ABCA10: variants seen among roughly 807,000 people sequenced by gnomAD.
ABCA10 encodes the protein ATP-binding cassette sub-family A member 10.
In ABCA10, 169 loss-of-function variants were observed where a neutral mutation model predicts 187.5. The observed-to-expected ratio is 0.90, with a 90% confidence interval of 0.80 to 1.02. The LOEUF (loss-of-function observed/expected upper bound fraction) is 1.02, where lower values mean the gene tolerates loss of function less well. Ranked by LOEUF, ABCA10 falls within the 50% of genes least tolerant of loss-of-function variation. The pLI, the probability that ABCA10 is intolerant of heterozygous loss-of-function variation, is 0.00. For missense variants in ABCA10, 1,727 were observed against 1,812.4 expected (o/e 0.95, Z 0.86); for synonymous variants, 574 against 601.8 (o/e 0.95, Z 0.68).
chr17:69,201,950 C>T (rs55821831), intron 9 of ABCA10, among the ~76,000 whole-genome samples: 25,589 of 151,996 alleles, frequency 0.17, 3,957 homozygotes, highest in African/African-American at 0.4. Context: ...GCCCGGCTAA[C>T]TTTTGTATTT....
intron 19 of ABCA10, 98 bp from the exon 20 acceptor site, chr17:69,185,741 C>T: frequency 2.1e-6 from 2 of 941,380 alleles, no homozygotes. Context: ...GGAAAGTCCA[C>T]ATGCATATGT....
intron 22 of ABCA10, among the ~76,000 whole-genome samples, chr17:69,179,200 C>A (rs1343634516): frequency 1.7e-4 from 14 of 82,452 alleles, no homozygotes; most frequent in African/African-American, 4.8e-4. Flanking sequence ...AACAAAAAAA[C>A]AAAACAAACA....
intron 10 of ABCA10, among the ~76,000 whole-genome samples, chr17:69,198,266 T>C (rs1223947589): frequency 6.6e-6 from 1 of 152,232 alleles, no homozygotes; most frequent in African/African-American, 2.4e-5. Flanking sequence ...ATGACCTCTG[T>C]GCTTTATTTT....
At chr17:69,156,965 C>T (rs1271213569) in intron 27 of ABCA10, 42 bp from the exon 28 acceptor site, 15 of 1,179,634 alleles carry the variant, frequency 1.3e-5, no homozygotes, top group Non-Finnish European at 1.7e-5. Flanking sequence ...ATCACCATGG[C>T]ATTCACACTC....
chr17:69,205,057 G>A (rs192490511), intron 9 of ABCA10, among the ~76,000 whole-genome samples: 1 of 152,152 alleles, frequency 6.6e-6, no homozygotes, highest in Non-Finnish European at 1.5e-5. Context: ...GAGTCTGGGA[G>A]GCAGAGGTTG....
At chr17:69,199,251 T>G (rs185788492) in intron 10 of ABCA10, among the ~76,000 whole-genome samples, 41 of 92,972 alleles carry the variant, frequency 4.4e-4, no homozygotes, top group Non-Finnish European at 7.9e-4. Flanking sequence ...TAATTCTCTG[T>G]GTTCAGCTCT....
chr17:69,153,424 GGCACCCAGCCATGGGT>G, intron 33 of ABCA10, 25 bp from the exon 34 acceptor site: 1 of 1,613,458 alleles, frequency 6.2e-7, no homozygotes, highest in Non-Finnish European at 8.5e-7. Context: ...ACAGCCCGTC[GGCACCCAGCCATGGGT>G]GCACAGGGAA....
chr17:69,223,360 T>C (rs963709045), intron 3 of ABCA10, among the ~76,000 whole-genome samples: 1 of 152,140 alleles, frequency 6.6e-6, no homozygotes. Flanking sequence ...TACCTACAGA[T>C]TCTCTGAGGT....
chr17:69,178,757 G>A (rs764413064), intron 22 of ABCA10, among the ~76,000 whole-genome samples: 3 of 152,118 alleles, frequency 2.0e-5, no homozygotes, highest in African/African-American at 4.8e-5. Flanking sequence ...TTATGCATGA[G>A]TAAAAGAATG....
At chr17:69,244,753 G>A (rs543085175) in exon 1 of ABCA10, 2 of 151,460 alleles carry the variant, frequency 1.3e-5, no homozygotes, top group South Asian at 4.2e-4. Context: ...ATGAAGTTTT[G>A]AGTAACTAAC....
rs1369953870 is a variant in ABCA10, at chr17:69,197,177, C to A, written c.1176-55G>T. The A allele has an allele frequency of 3.0e-6, 4 of 1,355,844 alleles. No individual in the cohort carries two copies. In the African/African-American group the frequency reaches 4.3e-5, roughly 15 times the overall value. 84.0% of individuals were successfully genotyped at this position (1,355,844 alleles called of 1,614,324 possible). ...AATGCATTTTCTAGTATTAATAACA[C>A]AGATTACAGTTCATAACTAAGCCTG... On this transcript the variant is annotated intron_variant, in intron 10 of 38. Transcript: ENST00000690296.
intron 16 of ABCA10, among the ~76,000 whole-genome samples, chr17:69,192,051 G>A (rs960662611): frequency 1.3e-4 from 20 of 152,182 alleles, no homozygotes; most frequent in Admixed American, 9.8e-4. Flanking sequence ...TAGGCCGGGC[G>A]CGGTGGCTCA....
At chr17:69,230,126 TTCTC>T (rs892724864), upstream of ABCA10, among the ~76,000 whole-genome samples, 4 of 151,278 alleles carry the variant, frequency 2.6e-5, no homozygotes, top group Non-Finnish European at 5.9e-5. Flanking sequence ...TTAGGCCCAA[TTCTC>T]TCTCTCTCTG....
intron 6 of ABCA10, among the ~76,000 whole-genome samples, chr17:69,218,530 T>C (rs1458683667): frequency 6.6e-6 from 1 of 152,112 alleles, no homozygotes; most frequent in South Asian, 2.1e-4. Flanking sequence ...TACCTCATTA[T>C]TATTAAATAT....
chr17:69,215,137 C>CA (rs2074694162), intron 8 of ABCA10, among the ~76,000 whole-genome samples: 2 of 151,886 alleles, frequency 1.3e-5, no homozygotes, highest in Non-Finnish European at 2.9e-5. Flanking sequence ...GACAAGCAAC[C>CA]AAATATAACA....
intron 28 of ABCA10, among the ~76,000 whole-genome samples, chr17:69,156,605 A>G (rs1266314579): frequency 6.6e-6 from 1 of 152,176 alleles, no homozygotes; most frequent in Non-Finnish European, 1.5e-5. Context: ...GACCAATCTG[A>G]GCAATATAGC....
rs2074730956 is a variant in ABCA10 at position 69,219,624 on chromosome 17, C to A, written c.451G>T (p.Ala151Ser). The A allele has an allele frequency of 6.2e-7, 1 of 1,610,724 alleles. No homozygotes were observed. Among genetic ancestry groups the A allele is most frequent in the African/African-American group, 1.3e-5 (1 of 74,848 alleles). ...LVSFSSFIYF[A>S]SLNVARERGK... ...CTTTCCCTTGCAACATTTAATGATG[C>A]AAAGTATATAAAAGAAGAGAAAGAA... Residue 151 changes from alanine (A) to serine (S), a missense_variant, in exon 6 of 39, where the codon GCA becomes TCA. Physicochemically the swap from Ala to Ser is moderately conservative, Grantham distance 99. Transcript: ENST00000690296.
chr17:69,210,945 C>A (rs910032567), intron 9 of ABCA10, among the ~76,000 whole-genome samples: 5 of 150,052 alleles, frequency 3.3e-5, no homozygotes, highest in Admixed American at 6.7e-5. Flanking sequence ...TTTACTCCTG[C>A]AAAATTGCCA....
intron 9 of ABCA10, among the ~76,000 whole-genome samples, chr17:69,207,829 TAGG>T (rs1284370880): frequency 4.6e-5 from 7 of 152,090 alleles, no homozygotes; most frequent in Non-Finnish European, 1.0e-4. Flanking sequence ...TTTAGTTAGA[TAGG>T]AGGAATAAAC....
Sources: allele counts gnomAD v4.1 joint callset (sites outside exome capture counted in the v4.1 genomes callset), GRCh38; gene constraint gnomAD v4.1.1; transcripts MANE v1.5; gene names NCBI Gene and HGNC (gene_info 2026-07-23, HGNC 2026-07-21).